The following CLVS1 variants were observed in gnomAD, a reference collection of about 807,000 sequenced individuals.
CLVS1 encodes clavesin-1.
A neutral mutation model predicts 33.1 loss-of-function variants in CLVS1; 10 were observed. That is an observed-to-expected ratio of 0.30 (90% CI 0.19 to 0.51). CLVS1 has a LOEUF of 0.51. Among genes scored for constraint, CLVS1 ranks in the 20% least tolerant of loss-of-function variants. The pLI, the probability that CLVS1 is intolerant of heterozygous loss-of-function variation, is 0.97. For missense variants in CLVS1, 343 were observed against 433.4 expected (o/e 0.79, Z 1.85); for synonymous variants, 163 against 166.1 (o/e 0.98, Z 0.14).
chr8:61,016,176 C>A, the CLVS1 span, among the ~76,000 whole-genome samples: 1 of 152,290 alleles, frequency 6.6e-6, no homozygotes, highest in East Asian at 1.9e-4. Flanking sequence ...ACCATAAAAA[C>A]ATCTTGTGTT....
chr8:61,454,321 C>CT (rs1482823928), intron 4 of CLVS1, 70 bp downstream of exon 4: 8 of 1,060,044 alleles, frequency 7.5e-6, no homozygotes, highest in Non-Finnish European at 1.2e-5. Context: ...CTCTCCCCTC[C>CT]TCTCTCCTTT....
At chr8:61,012,484 C>T in the CLVS1 span, among the ~76,000 whole-genome samples, 13 of 152,146 alleles carry the variant, frequency 8.5e-5, no homozygotes, top group South Asian at 1.7e-3. Context: ...AGATACAGCC[C>T]GAGAGTGATG....
chr8:61,491,057 T>A (rs1804059892), intron 5 of CLVS1, among the ~76,000 whole-genome samples: 1 of 152,190 alleles, frequency 6.6e-6, no homozygotes, highest in Non-Finnish European at 1.5e-5. Flanking sequence ...AAGGCCAAAC[T>A]TCTGTAATTT....
chr8:61,054,866 C>T (rs529823565), upstream of CLVS1, among the ~76,000 whole-genome samples: 2 of 152,288 alleles, frequency 1.3e-5, no homozygotes, highest in East Asian at 3.9e-4. Flanking sequence ...TAGCTACCCA[C>T]ACTGAATAAA....
At chr8:61,131,151 G>T (rs1426328460) in intron 1 of CLVS1, among the ~76,000 whole-genome samples, 1 of 152,182 alleles carries the variant, frequency 6.6e-6, no homozygotes, top group Non-Finnish European at 1.5e-5. Flanking sequence ...GTCCCCTAGG[G>T]AGACTCTTCC....
At chr8:60,984,641 TC>T in the CLVS1 span, among the ~76,000 whole-genome samples, 1 of 152,168 alleles carries the variant, frequency 6.6e-6, no homozygotes. Context: ...AAAGTCTAGT[TC>T]TATTCACACC....
At chr8:61,318,606 A>G (rs1181538814) in intron 2 of CLVS1, among the ~76,000 whole-genome samples, 5 of 152,186 alleles carry the variant, frequency 3.3e-5, no homozygotes, top group African/African-American at 7.2e-5. Context: ...GTCTGTTGCC[A>G]GAACTTCTCA....
intron 4 of CLVS1, among the ~76,000 whole-genome samples, chr8:61,456,776 G>A (rs1034544769): frequency 6.6e-6 from 1 of 151,886 alleles, no homozygotes; most frequent in Admixed American, 6.5e-5. Context: ...AAATTAGCTG[G>A]GCGTGGTGGC....
intron 2 of CLVS1, among the ~76,000 whole-genome samples, chr8:61,353,607 G>A (rs1812564465): frequency 6.6e-6 from 1 of 151,634 alleles, no homozygotes; most frequent in Non-Finnish European, 1.5e-5. Context: ...GAGCTGAATG[G>A]GAAACAATAT....
At position 61,159,917 on chromosome 8, in the gene CLVS1, T is replaced by C. The variant is rs544455949; in HGVS notation, c.-152+28057T>C. 2.6e-5 allele frequency among the ~76,000 whole-genome samples: 4 copies of C among 152,356 alleles called. No homozygotes were observed. In the South Asian group the frequency reaches 8.3e-4, roughly 32 times the overall value. On this transcript the variant is annotated intron_variant, in intron 2 of 2. Coordinates refer to the CLVS1 transcript ENST00000522621. ...AGAGTGGTTAGAATCACCTTGATTT[T>C]CCTGTGCATTCTCCAGCAATTTGTG...
chr8:61,209,127 C>G (rs956091758), intron 2 of CLVS1, among the ~76,000 whole-genome samples: 2 of 152,164 alleles, frequency 1.3e-5, no homozygotes, highest in African/African-American at 4.8e-5. Flanking sequence ...AAATATCAAC[C>G]TTTCTGCACA....
chr8:61,154,186 A>G (rs1471056635), intron 2 of CLVS1, among the ~76,000 whole-genome samples: 1 of 151,222 alleles, frequency 6.6e-6, no homozygotes, highest in Non-Finnish European at 1.5e-5. Context: ...CACACTATTA[A>G]TATGAAACCC....
chr8:61,206,968 T>A (rs748273468), intron 2 of CLVS1, among the ~76,000 whole-genome samples: 2 of 152,184 alleles, frequency 1.3e-5, no homozygotes, highest in African/African-American at 2.4e-5. Context: ...TGTATATGCT[T>A]TCTTCACATC....
At chr8:61,438,120 C>T (rs547217962) in intron 3 of CLVS1, among the ~76,000 whole-genome samples, 36 of 152,316 alleles carry the variant, frequency 2.4e-4, no homozygotes, top group African/African-American at 8.4e-4. Context: ...ATCAACCCAT[C>T]ACCTAGGTAT....
Position 61,442,982 on chromosome 8 carries a change from G to A in CLVS1, c.631-11159G>A, listed in dbSNP as rs74828568. Among the ~76,000 whole-genome samples the A allele has an allele frequency of 1.6e-4, 25 of 152,182 alleles. No homozygotes were observed. In the East Asian group the frequency reaches 4.8e-3, roughly 29 times the overall value. ...TGGTTTTAACTTGCCTTTCACTAAT[G>A]GTTAATGATGTGAAATATCTTCTCA... On this transcript the variant is annotated intron_variant, in intron 3 of 5. Coordinates refer to ENST00000325897, the MANE Select transcript of CLVS1 (RefSeq NM_173519.3).
chr8:61,030,136 C>T, the CLVS1 span, among the ~76,000 whole-genome samples: 7 of 152,294 alleles, frequency 4.6e-5, no homozygotes, highest in Middle Eastern at 0.01. Flanking sequence ...GTTGACCACA[C>T]GAGCCTCACT....
At chr8:61,468,448 C>T (rs565558802) in intron 5 of CLVS1, among the ~76,000 whole-genome samples, 1 of 152,280 alleles carries the variant, frequency 6.6e-6, no homozygotes, top group Admixed American at 6.5e-5. Context: ...CATCGCCAAA[C>T]ATATCTTGTC....
At chr8:61,419,049 A>G (rs1345754892) in intron 3 of CLVS1, among the ~76,000 whole-genome samples, 1 of 152,200 alleles carries the variant, frequency 6.6e-6, no homozygotes, top group East Asian at 1.9e-4. Context: ...GAATTAATGA[A>G]TAAATCAGTG....
intron 2 of CLVS1, among the ~76,000 whole-genome samples, chr8:61,170,193 T>C (rs1806964804): frequency 6.6e-6 from 1 of 152,116 alleles, no homozygotes; most frequent in African/African-American, 2.4e-5. Context: ...GTTGATTTCA[T>C]TTGTTGGGCA....
Sources: allele counts gnomAD v4.1 joint callset (sites outside exome capture counted in the v4.1 genomes callset), GRCh38; gene constraint gnomAD v4.1.1; transcripts MANE v1.5; gene names NCBI Gene and HGNC (gene_info 2026-07-23, HGNC 2026-07-21).